The following CTNNA2 variants were observed in gnomAD, a reference collection of about 807,000 sequenced individuals.
CTNNA2 encodes the protein catenin alpha-2.
In CTNNA2, 42 loss-of-function variants were observed where a neutral mutation model predicts 101.0. That is an observed-to-expected ratio of 0.42 (90% CI 0.32 to 0.54). The LOEUF is 0.54. Ranked by LOEUF, CTNNA2 falls within the 20% of genes least tolerant of loss-of-function variation. The pLI is 0.14. For missense variants in CTNNA2, 871 were observed against 1,223.1 expected (o/e 0.71, Z 4.29); for synonymous variants, 450 against 456.4 (o/e 0.99, Z 0.18).
At chr2:80,504,799 A>G (rs1485440017) in intron 9 of CTNNA2, among the ~76,000 whole-genome samples, 1 of 152,244 alleles carries the variant, frequency 6.6e-6, no homozygotes, top group Non-Finnish European at 1.5e-5. Context: ...CATAATGAAT[A>G]CCAGCTTTTT....
chr2:79,773,274 G>C (rs1397694), intron 3 of CTNNA2, among the ~76,000 whole-genome samples: 58,051 of 152,016 alleles, frequency 0.38, 12,966 homozygotes, highest in East Asian at 0.69. Flanking sequence ...AAGTCTCAAT[G>C]ATTTTAGGAA....
chr2:80,071,845 G>C (rs1402099148), intron 7 of CTNNA2, among the ~76,000 whole-genome samples: 2 of 152,202 alleles, frequency 1.3e-5, no homozygotes, highest in African/African-American at 4.8e-5. Flanking sequence ...TGTAATGTCT[G>C]CTGCAGACAT....
intron 2 of CTNNA2, among the ~76,000 whole-genome samples, chr2:79,658,113 A>AT (rs1681750657): frequency 1.3e-5 from 2 of 151,992 alleles, no homozygotes; most frequent in East Asian, 1.9e-4. Context: ...AAGGTCAATT[A>AT]TTTTTTTCTG....
In CTNNA2 at chr2:79,539,627, T is replaced by C. The variant is rs139107798; in HGVS notation, c.-6+26420T>C. 1.6e-3 allele frequency among the ~76,000 whole-genome samples: 239 copies of C among 152,322 alleles called. 2 individuals are homozygous for C. The highest frequency in any genetic ancestry group is 5.2e-3 in the African/African-American group (218 of 41,582). ...AGACAGGAACAGGGAGGTTTGGAAA[T>C]GCTACTTTTACCCCCAGCTGGGAGT... On this transcript the variant is annotated intron_variant, in intron 1 of 18. Transcript: ENST00000402739.
At chr2:80,402,218 G>T (rs763290154) in intron 8 of CTNNA2, among the ~76,000 whole-genome samples, 32 of 152,260 alleles carry the variant, frequency 2.1e-4, no homozygotes, top group Non-Finnish European at 3.5e-4. Context: ...TGTGGGAAGG[G>T]GCTCAGAGCT....
At position 79,896,909 on chromosome 2, in the gene CTNNA2, C is replaced by T. The variant is rs1057303223; in HGVS notation, c.853-12685C>T. Among the ~76,000 whole-genome samples, 17 of 152,196 alleles carry T rather than the reference C, an allele frequency of 1.1e-4. No individual in the cohort carries two copies. In the South Asian group the frequency reaches 3.3e-3, roughly 30 times the overall value. On this transcript the variant is annotated intron_variant, in intron 6 of 18. Transcript: ENST00000402739. ...ACACATGAAGCATACTGGGGTGGGG[C>T]AATGCAGAGACCACTTTGGCAGGAG...
chr2:80,064,263 G>A (rs543022582), intron 7 of CTNNA2, among the ~76,000 whole-genome samples: 1 of 152,294 alleles, frequency 6.6e-6, no homozygotes, highest in East Asian at 1.9e-4. Context: ...CAAAATGATG[G>A]ATTCCTAGCC....
At chr2:80,234,692 T>C (rs999367829) in intron 7 of CTNNA2, among the ~76,000 whole-genome samples, 1 of 152,058 alleles carries the variant, frequency 6.6e-6, no homozygotes, top group Non-Finnish European at 1.5e-5. Context: ...AGGAGCAGGA[T>C]TGAGTATGTA....
At chr2:79,219,328 TCTAATTTAAAA>T (rs1447402660) in intron 2 of CTNNA2, among the ~76,000 whole-genome samples, 3 of 152,300 alleles carry the variant, frequency 2.0e-5, no homozygotes, top group Admixed American at 2.0e-4. Context: ...GGGAAAACAA[TCTAATTTAAAA>T]CTTTGTGAAA....
chr2:80,379,384 T>G (rs966287482), intron 7 of CTNNA2, among the ~76,000 whole-genome samples: 1 of 152,132 alleles, frequency 6.6e-6, no homozygotes, highest in Non-Finnish European at 1.5e-5. Flanking sequence ...GTGCAGGGAC[T>G]TTTTTTGAAA....
At chr2:80,431,685 T>C (rs2149426543) in intron 9 of CTNNA2, among the ~76,000 whole-genome samples, 1 of 152,266 alleles carries the variant, frequency 6.6e-6, no homozygotes. Context: ...CATCACTCCT[T>C]ATTGTACTCC....
At chr2:80,631,073 C>G (rs964082474) in intron 18 of CTNNA2, among the ~76,000 whole-genome samples, 6 of 152,266 alleles carry the variant, frequency 3.9e-5, no homozygotes, top group African/African-American at 1.4e-4. Flanking sequence ...AATAATGATG[C>G]AACCTTTACA....
chr2:79,272,235 A>T (rs1675101074), intron 2 of CTNNA2, among the ~76,000 whole-genome samples: 1 of 152,044 alleles, frequency 6.6e-6, no homozygotes. Context: ...GCAATGTATG[A>T]TCTAATAATT....
chr2:80,127,961 T>C (rs1702227170), intron 7 of CTNNA2, among the ~76,000 whole-genome samples: 1 of 152,064 alleles, frequency 6.6e-6, no homozygotes, highest in Non-Finnish European at 1.5e-5. Flanking sequence ...AAATATCAAT[T>C]ATATTCACTG....
intron 7 of CTNNA2, among the ~76,000 whole-genome samples, chr2:80,026,548 T>G (rs1694942563): frequency 6.6e-6 from 1 of 152,210 alleles, no homozygotes; most frequent in Admixed American, 6.5e-5. Flanking sequence ...AAGAGATACT[T>G]TCTACTCTAG....
At chr2:80,170,753 TA>T (rs1192557231) in intron 7 of CTNNA2, among the ~76,000 whole-genome samples, 1 of 152,198 alleles carries the variant, frequency 6.6e-6, no homozygotes, top group African/African-American at 2.4e-5. Context: ...TGTAAATTTT[TA>T]AAAAGTAAGA....
chr2:80,248,143 C>T (rs542307961), intron 7 of CTNNA2, among the ~76,000 whole-genome samples: 2 of 151,842 alleles, frequency 1.3e-5, no homozygotes, highest in Non-Finnish European at 2.9e-5. Context: ...TCCCTGTCTG[C>T]CTTTATTATT....
At chr2:79,734,599 G>T (rs1049644763) in intron 2 of CTNNA2, among the ~76,000 whole-genome samples, 2 of 152,050 alleles carry the variant, frequency 1.3e-5, no homozygotes, top group African/African-American at 4.8e-5. Flanking sequence ...TATATAAAGT[G>T]CAGAAAGATT....
chr2:79,239,583 G>A (rs536674816), intron 2 of CTNNA2, among the ~76,000 whole-genome samples: 4 of 152,208 alleles, frequency 2.6e-5, no homozygotes, highest in East Asian at 3.9e-4. Flanking sequence ...AAACCCAAAC[G>A]TATAAAACAC....
Sources: gnomAD v4.1 joint callset for allele counts (sites outside exome capture counted in the v4.1 genomes callset) on GRCh38, gnomAD v4.1.1 for gene constraint, MANE v1.5 for transcripts, NCBI Gene and HGNC (gene_info 2026-07-23, HGNC 2026-07-21) for gene names.